PPP3CA: variants seen among roughly 807,000 people sequenced by gnomAD.
PPP3CA encodes protein phosphatase 3 catalytic subunit alpha, also known as CAM-PRP catalytic subunit.
In PPP3CA, 14 loss-of-function variants were observed where a neutral mutation model predicts 66.5. The ratio of observed to expected loss-of-function variants is 0.21; its 90% CI spans 0.14 to 0.33. The LOEUF is 0.33. PPP3CA is among the 10% of genes least tolerant of loss of function. The pLI is 1.00. For missense variants in PPP3CA, 317 were observed against 639.5 expected (o/e 0.50, Z 5.44); for synonymous variants, 232 against 226.2 (o/e 1.03, Z -0.23).
intron 2 of PPP3CA, among the ~76,000 whole-genome samples, chr4:101,168,430 G>A (rs765474476): frequency 2.6e-5 from 4 of 152,108 alleles, no homozygotes; most frequent in Non-Finnish European, 5.9e-5. Flanking sequence ...CTAAAGATGA[G>A]AATATTTAGG....
intron 1 of PPP3CA, among the ~76,000 whole-genome samples, chr4:101,234,580 T>A (rs1048586367): frequency 7.9e-5 from 12 of 151,850 alleles, no homozygotes; most frequent in Admixed American, 7.2e-4. Context: ...TTTAATGTTT[T>A]TTTTTTCTTG....
At chr4:101,274,826 A>G (rs1727438558) in intron 1 of PPP3CA, among the ~76,000 whole-genome samples, 1 of 152,198 alleles carries the variant, frequency 6.6e-6, no homozygotes, top group South Asian at 2.1e-4. Flanking sequence ...TAATCAAGCT[A>G]AAGTGAAATT....
chr4:101,078,353 A>G (rs1324360655), intron 8 of PPP3CA, among the ~76,000 whole-genome samples: 1 of 152,168 alleles, frequency 6.6e-6, no homozygotes, highest in African/African-American at 2.4e-5. Context: ...TGAGTTTTAT[A>G]CAATAAATGT....
chr4:101,182,780 T>C (rs902612715), intron 2 of PPP3CA, among the ~76,000 whole-genome samples: 12 of 152,244 alleles, frequency 7.9e-5, no homozygotes, highest in East Asian at 3.9e-4. Flanking sequence ...TGGGAGATAA[T>C]TGAATCATGG....
intron 8 of PPP3CA, among the ~76,000 whole-genome samples, chr4:101,076,386 T>C (rs944443576): frequency 4.0e-5 from 6 of 151,438 alleles, no homozygotes; most frequent in African/African-American, 9.7e-5. Flanking sequence ...GGCTTTACAA[T>C]GTGTACCAAA....
intron 2 of PPP3CA, among the ~76,000 whole-genome samples, chr4:101,174,246 C>A (rs986337530): frequency 6.6e-6 from 1 of 152,062 alleles, no homozygotes; most frequent in Non-Finnish European, 1.5e-5. Context: ...AAGATTGTCT[C>A]CTTCAGTATT....
chr4:101,290,162 C>CA (rs1727977693), intron 1 of PPP3CA, among the ~76,000 whole-genome samples: 1 of 152,124 alleles, frequency 6.6e-6, no homozygotes, highest in Admixed American at 6.5e-5. Context: ...AAGCAGCTAG[C>CA]AAAAATCTTG....
chr4:101,317,982 C>T (rs879330481), intron 1 of PPP3CA, among the ~76,000 whole-genome samples: 9 of 152,138 alleles, frequency 5.9e-5, no homozygotes, highest in African/African-American at 9.7e-5. Context: ...TGAGATAGTA[C>T]CAGATAAATG....
At chr4:101,154,675 C>T (rs1351817277) in intron 2 of PPP3CA, among the ~76,000 whole-genome samples, 1 of 152,118 alleles carries the variant, frequency 6.6e-6, no homozygotes, top group Non-Finnish European at 1.5e-5. Flanking sequence ...GTTTCTTCAC[C>T]TCAATAACAG....
intron 2 of PPP3CA, among the ~76,000 whole-genome samples, chr4:101,195,554 CT>C (rs1341978878): frequency 1.3e-5 from 2 of 152,140 alleles, no homozygotes; most frequent in African/African-American, 4.8e-5. Context: ...AACTTATACC[CT>C]TACTCAACCA....
intron 3 of PPP3CA, among the ~76,000 whole-genome samples, chr4:101,104,983 A>G (rs1170758560): frequency 6.6e-6 from 1 of 152,142 alleles, no homozygotes; most frequent in Admixed American, 6.5e-5. Flanking sequence ...ATGCCCCATA[A>G]TTCCTACACT....
At position 101,325,926 on chromosome 4, in the gene PPP3CA, G is replaced by A. The variant is rs368338841; in HGVS notation, c.58+20813C>T. ...GCTGAGGTTAGGCGGATCACTTGAG[G>A]TCAGGAGTTCGAGACCAGCCTGACC... On this transcript the variant is annotated intron_variant, in intron 1 of 13. Coordinates refer to ENST00000394854, the MANE Select transcript of PPP3CA (RefSeq NM_000944.5). 5.3e-5 allele frequency among the ~76,000 whole-genome samples: 8 copies of A among 152,206 alleles called. No homozygotes were observed. In the South Asian group the frequency reaches 8.3e-4, roughly 16 times the overall value.
intron 13 of PPP3CA, among the ~76,000 whole-genome samples, chr4:101,026,383 G>C (rs1017323140): frequency 5.9e-5 from 9 of 152,158 alleles, no homozygotes; most frequent in African/African-American, 1.9e-4. Flanking sequence ...TGCTTTCAGG[G>C]ACAAGCCTCT....
At chr4:101,161,064 T>C (rs1723490769) in intron 2 of PPP3CA, among the ~76,000 whole-genome samples, 1 of 152,162 alleles carries the variant, frequency 6.6e-6, no homozygotes. Flanking sequence ...GTCTTTTCTA[T>C]GTTTAGATAT....
At chr4:101,153,353 A>G (rs1443345851) in intron 2 of PPP3CA, among the ~76,000 whole-genome samples, 2 of 152,220 alleles carry the variant, frequency 1.3e-5, no homozygotes, top group Non-Finnish European at 1.5e-5. Context: ...GAACTTGCTA[A>G]GTTCAACTAT....
rs865906032 is a variant in PPP3CA at position 101,249,032 on chromosome 4, C to T, written c.59-52916G>A. ...AAAATTAGCCGGGCGCGGTGGCGGG[C>T]GCCTGTAGTCCCAGCTACTCGGGAG... On this transcript the variant is annotated intron_variant, in intron 1 of 13. Coordinates refer to ENST00000394854, the MANE Select transcript of PPP3CA (RefSeq NM_000944.5). Among the ~76,000 whole-genome samples, 50 of 151,558 alleles carry T rather than the reference C, an allele frequency of 3.3e-4. 1 individual carries two copies. Among genetic ancestry groups the T allele is most frequent in the Middle Eastern group, 3.4e-3 (1 of 294 alleles).
chr4:101,225,288 T>C (rs1255017774), intron 1 of PPP3CA, among the ~76,000 whole-genome samples: 1 of 151,808 alleles, frequency 6.6e-6, no homozygotes, highest in Non-Finnish European at 1.5e-5. Context: ...ATGCTCACTT[T>C]TGTATCACCA....
At chr4:101,095,162 T>G (rs1730139259) in intron 5 of PPP3CA, among the ~76,000 whole-genome samples, 1 of 152,172 alleles carries the variant, frequency 6.6e-6, no homozygotes, top group African/African-American at 2.4e-5. Flanking sequence ...AAACTTAAAC[T>G]TGTTTAAGAG....
At chr4:101,120,308 T>C (rs946416694) in intron 2 of PPP3CA, among the ~76,000 whole-genome samples, 4 of 152,104 alleles carry the variant, frequency 2.6e-5, no homozygotes, top group East Asian at 3.8e-4. Context: ...TGCATTATAC[T>C]GGGATAATAA....
Sources: gnomAD v4.1 joint callset for allele counts (sites outside exome capture counted in the v4.1 genomes callset) on GRCh38, gnomAD v4.1.1 for gene constraint, MANE v1.5 for transcripts, NCBI Gene and HGNC (gene_info 2026-07-23, HGNC 2026-07-21) for gene names.